COL6A5: variants seen among roughly 807,000 people sequenced by gnomAD.
COL6A5 encodes the protein collagen alpha-5(VI) chain.
In COL6A5, 48 loss-of-function variants were observed where a neutral mutation model predicts 65.6. The observed-to-expected ratio is 0.73, with a 90% CI of 0.58 to 0.93. COL6A5 has a LOEUF of 0.93. Among genes scored for constraint, COL6A5 ranks in the 40% least tolerant of loss-of-function variants. The pLI is 0.00. For missense variants in COL6A5, 914 were observed against 928.3 expected, an observed-to-expected ratio of 0.98 and a Z score of 0.20; for synonymous variants, 291 against 322.8, an observed-to-expected ratio of 0.90 and a Z score of 1.05.
At chr3:130,351,951 T>C (rs1023325184) in intron 1 of COL6A5, among the ~76,000 whole-genome samples, 1 of 152,154 alleles carries the variant, frequency 6.6e-6, no homozygotes, top group Non-Finnish European at 1.5e-5. Context: ...ATGTGGCACA[T>C]ATACACCATG....
chr3:130,382,431 A>G (rs1435052651), intron 4 of COL6A5, among the ~76,000 whole-genome samples: 1 of 152,078 alleles, frequency 6.6e-6, no homozygotes, highest in Non-Finnish European at 1.5e-5. Context: ...AAAAATGGTA[A>G]GAAATTTGAG....
intron 4 of COL6A5, among the ~76,000 whole-genome samples, chr3:130,453,842 GT>G (rs991266922): frequency 2.0e-5 from 3 of 152,112 alleles, no homozygotes; most frequent in Non-Finnish European, 4.4e-5. Context: ...AAATGGAAAG[GT>G]GAGTTCTCCA....
At chr3:130,473,162 C>G (rs565497385) in intron 7 of COL6A5, among the ~76,000 whole-genome samples, 167 of 152,056 alleles carry the variant, frequency 1.1e-3, no homozygotes, top group Middle Eastern at 6.8e-3. Flanking sequence ...GCCCATGTCA[C>G]TTATCTTTTC....
chr3:130,358,749 A>G (rs2107618792), intron 1 of COL6A5, among the ~76,000 whole-genome samples: 1 of 152,304 alleles, frequency 6.6e-6, no homozygotes, highest in Non-Finnish European at 1.5e-5. Context: ...GATTTGGCAT[A>G]CCTTTTTGCT....
At chr3:130,451,905 G>T (rs1361362043) in intron 4 of COL6A5, among the ~76,000 whole-genome samples, 1 of 152,114 alleles carries the variant, frequency 6.6e-6, no homozygotes, top group Non-Finnish European at 1.5e-5. Flanking sequence ...AGGTACCAAG[G>T]CCCAGTCACC....
intron 5 of COL6A5, among the ~76,000 whole-genome samples, chr3:130,462,025 G>A (rs893867832): frequency 2.0e-5 from 3 of 151,914 alleles, no homozygotes; most frequent in Non-Finnish European, 2.9e-5. Flanking sequence ...CTAAGTCTTC[G>A]GAGAAAAGGA....
chr3:130,411,921 T>G (rs1459819279), intron 20 of COL6A5, among the ~76,000 whole-genome samples: 1 of 152,110 alleles, frequency 6.6e-6, no homozygotes, highest in Non-Finnish European at 1.5e-5. Flanking sequence ...AACATCAGGT[T>G]TTCTCCCCTC....
At chr3:130,348,938 C>T (rs561640693) in intron 1 of COL6A5, among the ~76,000 whole-genome samples, 22 of 152,094 alleles carry the variant, frequency 1.4e-4, no homozygotes, top group Non-Finnish European at 3.1e-4. Flanking sequence ...CTGTTCATAT[C>T]CTTCACCCAC....
chr3:130,426,607 G>A (rs1187685950), upstream of COL6A5, among the ~76,000 whole-genome samples: 2 of 152,138 alleles, frequency 1.3e-5, no homozygotes, highest in African/African-American at 4.8e-5. Context: ...CTTCGCTCAT[G>A]AGGGGCAATG....
At chr3:130,386,961 C>T in intron 5 of COL6A5, among the ~76,000 whole-genome samples, 1 of 151,640 alleles carries the variant, frequency 6.6e-6, no homozygotes, top group East Asian at 2.0e-4. Context: ...GGTTAAGCTG[C>T]AATAGCAAAA....
At chr3:130,439,430 G>C in intron 1 of COL6A5, 92 bp from the exon 34 acceptor site, 1 of 767,648 alleles carries the variant, frequency 1.3e-6, no homozygotes. Context: ...ATAGTGATTA[G>C]TTGGGTGTTT....
chr3:130,395,169 T>G (rs927692442), exon 8 of COL6A5: 3 of 1,551,700 alleles, frequency 1.9e-6, no homozygotes, highest in Non-Finnish European at 2.6e-6. Context: ...CTTAAAAAAG[T>G]GAGCAATATG....
At chr3:130,448,185 A>C (rs1032721090) in intron 4 of COL6A5, among the ~76,000 whole-genome samples, 2 of 152,164 alleles carry the variant, frequency 1.3e-5, no homozygotes, top group Non-Finnish European at 2.9e-5. Flanking sequence ...ACACCACTCC[A>C]CTAAATCATT....
At chr3:130,475,007 CAAAAAAAAAAAA>C (rs57263258) in intron 7 of COL6A5, among the ~76,000 whole-genome samples, 23 of 65,050 alleles carry the variant, frequency 3.5e-4, no homozygotes, top group African/African-American at 1.4e-3. Flanking sequence ...ACCATGTCTC[CAAAAAAAAAAAA>C]AAAAAAAAAA....
chr3:130,479,817 T>C (rs1233707894), intron 7 of COL6A5, among the ~76,000 whole-genome samples: 2 of 152,134 alleles, frequency 1.3e-5, no homozygotes, highest in African/African-American at 4.8e-5. Context: ...CCAAACATTT[T>C]AGTTTTTTGA....
chr3:130,443,985 C>T (rs1709248583), intron 4 of COL6A5, among the ~76,000 whole-genome samples: 1 of 152,168 alleles, frequency 6.6e-6, no homozygotes, highest in Non-Finnish European at 1.5e-5. Context: ...AGGCATCTTT[C>T]ATGACCCAGA....
intron 8 of COL6A5, among the ~76,000 whole-genome samples, chr3:130,395,885 TCG>T (rs1023796768): frequency 4.9e-5 from 7 of 141,912 alleles, no homozygotes; most frequent in East Asian, 2.9e-4. Context: ...TGTAAGGGAC[TCG>T]TGTGTGTGTG....
intron 4 of COL6A5, 59 bp from the exon 5 acceptor site, chr3:130,384,745 C>T (rs1373586278): frequency 7.3e-7 from 1 of 1,374,594 alleles, no homozygotes; most frequent in African/African-American, 1.5e-5. Flanking sequence ...CCTTCACAAA[C>T]CCTCTTGCAA....
At chr3:130,365,243 CA>C (rs1222903941) in intron 1 of COL6A5, among the ~76,000 whole-genome samples, 1 of 152,028 alleles carries the variant, frequency 6.6e-6, no homozygotes, top group African/African-American at 2.4e-5. Flanking sequence ...GTTGGGCAGA[CA>C]AAATCAACAG....
Sources: gnomAD v4.1 joint callset for allele counts (sites outside exome capture counted in the v4.1 genomes callset) on GRCh38, gnomAD v4.1.1 for gene constraint, MANE v1.5 for transcripts, NCBI Gene and HGNC (gene_info 2026-07-23, HGNC 2026-07-21) for gene names.